ZC3H6: variants seen among roughly 807,000 people sequenced by gnomAD.
The protein encoded by ZC3H6 is zinc finger CCCH-type containing 6.
A neutral mutation model predicts 107.7 loss-of-function variants in ZC3H6; 40 were observed. That is an observed-to-expected ratio of 0.37 (90% CI 0.29 to 0.48). The LOEUF is 0.48. ZC3H6 is among the 20% of genes least tolerant of loss of function. The probability of loss-of-function intolerance (pLI) is 0.98; values close to 1 mark genes in which losing one functional copy is unlikely to be tolerated. For synonymous variants in ZC3H6, 493 were observed against 487.9 expected (o/e 1.01, Z -0.14); for missense variants, 1,267 against 1,410.4 (o/e 0.90, Z 1.63).
chr2:112,331,817 A>C lies in ZC3H6; in HGVS notation c.2899A>C (p.Lys967Gln). 1.2e-6 allele frequency: 2 copies of C among 1,613,784 alleles called. No individual in the cohort carries two copies. Among genetic ancestry groups the C allele is most frequent in the South Asian group, 2.2e-5 (2 of 91,086 alleles). ...TAAATTAGGAGATCCTAGACTACAA[A>C]AAAATTTTGATCCTAGGCTTCACAG... ...GAKLGDPRLQ[K>Q]NFDPRLHRLP... The change falls in exon 12 of 12, where the codon AAA becomes CAA. Residue 967 changes from lysine (K) to glutamine (Q), a missense_variant. Physicochemically the swap from Lys to Gln is moderately conservative, Grantham distance 53 (BLOSUM62 1). Coordinates refer to ENST00000409871, the MANE Select transcript of ZC3H6 (RefSeq NM_198581.3).
intron 1 of ZC3H6, among the ~76,000 whole-genome samples, chr2:112,283,201 T>C (rs1250833191): frequency 6.6e-6 from 1 of 152,190 alleles, no homozygotes; most frequent in Non-Finnish European, 1.5e-5. Context: ...CTGCTGCTGA[T>C]GTGTACCAAC....
chr2:112,308,404 T>TTTTA (rs370414380), intron 3 of ZC3H6, among the ~76,000 whole-genome samples: 47,494 of 138,100 alleles, frequency 0.34, 8,647 homozygotes, highest in African/African-American at 0.41. Context: ...TTTTATTTTA[T>TTTTA]TTTATTTATT....
In ZC3H6 at chr2:112,331,790, G is replaced by A. The variant is rs1677038488; in HGVS notation, c.2872G>A (p.Ala958Thr). ...ATTTGGAGACTCACACGGTTCAGGA[G>A]CTAAATTAGGAGATCCTAGACTACA... is the stretch of plus-strand genomic sequence containing the variant. ...EQFGDSHGSG[A>T]KLGDPRLQKN... Residue 958 changes from alanine to threonine, a missense_variant, in exon 12 of 12, where the codon GCT becomes ACT. Coordinates refer to ENST00000409871, the MANE Select transcript of ZC3H6 (RefSeq NM_198581.3). The A allele has an allele frequency of 6.2e-7, 1 of 1,613,650 alleles. No individual in the cohort carries two copies. Among genetic ancestry groups the A allele is most frequent in the Non-Finnish European group, 8.5e-7 (1 of 1,179,870 alleles).
At chr2:112,284,275 C>T (rs1220938057) in intron 1 of ZC3H6, among the ~76,000 whole-genome samples, 1 of 152,158 alleles carries the variant, frequency 6.6e-6, no homozygotes, top group Non-Finnish European at 1.5e-5. Context: ...TATATAAGCA[C>T]ATGAAAATGG....
chr2:112,308,980 A>G (rs1031692354), intron 3 of ZC3H6, among the ~76,000 whole-genome samples: 3 of 151,964 alleles, frequency 2.0e-5, no homozygotes, highest in Non-Finnish European at 2.9e-5. Context: ...TGAACCCAAG[A>G]GGCAGAGGTC....
At position 112,331,305 on chromosome 2, in the gene ZC3H6, T is replaced by G. The variant is rs370249756; in HGVS notation, c.2387T>G (p.Ile796Arg). Residue 796 changes from isoleucine (I) to arginine (R), a missense_variant, in exon 12 of 12, where the codon ATA becomes AGA. By Grantham distance (97) the Ile-to-Arg change is moderately conservative. Transcript: ENST00000409871. The stretch of plus-strand genomic sequence containing the variant: ...TTGAGAGGGAATGGAAGTGGTCACA[T>G]AGGCTCTTCTGTTGGTGGAGCAAAG... ...RKLRGNGSGH[I>R]GSSVGGAKFD... 8.7e-6 allele frequency: 14 copies of G among 1,613,644 alleles called. No individual in the cohort carries two copies. The highest frequency in any genetic ancestry group is 1.1e-5 in the Non-Finnish European group (13 of 1,179,892).
intron 1 of ZC3H6, among the ~76,000 whole-genome samples, chr2:112,284,847 C>CA (rs1282444958): frequency 6.6e-6 from 1 of 151,032 alleles, no homozygotes; most frequent in Admixed American, 6.6e-5. Flanking sequence ...AATTTATCTC[C>CA]AAAAAAATGT....
intron 11 of ZC3H6, among the ~76,000 whole-genome samples, chr2:112,327,263 T>C (rs1457965669): frequency 1.3e-5 from 2 of 152,216 alleles, no homozygotes; most frequent in East Asian, 3.8e-4. Context: ...TGCATTTTTC[T>C]GATGATGAGT....
At chr2:112,308,299 T>C (rs1676514826) in intron 3 of ZC3H6, among the ~76,000 whole-genome samples, 1 of 152,068 alleles carries the variant, frequency 6.6e-6, no homozygotes, top group Non-Finnish European at 1.5e-5. Context: ...TGATTAGTTA[T>C]GCATTTTTTC....
intron 1 of ZC3H6, among the ~76,000 whole-genome samples, chr2:112,297,387 T>C (rs1449404340): frequency 1.3e-5 from 2 of 152,138 alleles, no homozygotes; most frequent in Admixed American, 6.5e-5. Flanking sequence ...GCCCACACCA[T>C]AGTTTAGTTG....
At chr2:112,291,892 A>AT (rs1421166075) in intron 1 of ZC3H6, among the ~76,000 whole-genome samples, 2 of 151,700 alleles carry the variant, frequency 1.3e-5, no homozygotes, top group Non-Finnish European at 2.9e-5. Flanking sequence ...TAATTTTTGT[A>AT]TTTTTAGTAG....
At chr2:112,303,738 G>C (rs1018832229) in intron 3 of ZC3H6, among the ~76,000 whole-genome samples, 2 of 152,118 alleles carry the variant, frequency 1.3e-5, no homozygotes, top group African/African-American at 4.8e-5. Flanking sequence ...TTTTAAGGCT[G>C]AATAATATTC....
At position 112,332,401 on chromosome 2, in the gene ZC3H6, A is replaced by G; in HGVS notation, c.3483A>G (p.Pro1161=). The change falls in exon 12 of 12, where the codon CCA becomes CCG. Residue 1161 remains proline, a synonymous_variant. Coordinates refer to ENST00000409871, the MANE Select transcript of ZC3H6 (RefSeq NM_198581.3). The part of the protein sequence containing the change: ...ARQPGQGSPT[P]DNDPGRETDD... The stretch of plus-strand genomic sequence containing the variant: ...AGCCAGGACAGGGGAGCCCGACCCC[A>G]GATAATGATCCCGGTAGAGAAACAG... 2 of 1,613,662 alleles carry G rather than the reference A, an allele frequency of 1.2e-6. No homozygotes were observed. The highest frequency in any genetic ancestry group is 1.7e-6 in the Non-Finnish European group (2 of 1,179,898).
Position 112,335,268 on chromosome 2 carries a change from C to T in ZC3H6, c.*2780C>T, listed in dbSNP as rs549299071. On this transcript the variant is annotated 3_prime_UTR_variant, in exon 12 of 12. Transcript: ENST00000409871. ...TCAAACCCCCAAATTAGGCTGCAAC[C>T]GAAAGAGCCTAATTGTGAAATGATG... The T allele has an allele frequency of 3.3e-4, 50 of 152,292 alleles. No homozygotes were observed. The highest frequency in any genetic ancestry group is 1.2e-3 in the African/African-American group (49 of 41,558). 9.4% of individuals were successfully genotyped at this position (152,292 alleles called of 1,614,324 possible).
In ZC3H6 at chr2:112,317,439, A is replaced by C. The variant is rs192907159; in HGVS notation, c.976+107A>C. On this transcript the variant is annotated intron_variant, in intron 7 of 11. Transcript: ENST00000409871. ...CCCTATAAAGCCTAGTTTGGTTTTA[A>C]ATTTAAAACAACACATTACATAAAC... The C allele has an allele frequency of 6.6e-4, 395 of 601,018 alleles. 1 individual carries two copies. Among genetic ancestry groups the C allele is most frequent in the East Asian group, 5.7e-3 (171 of 29,896 alleles). 37.2% of individuals were successfully genotyped at this position (601,018 alleles called of 1,614,324 possible).
chr2:112,318,468 G>C (rs1384808032), intron 7 of ZC3H6, among the ~76,000 whole-genome samples: 2 of 152,120 alleles, frequency 1.3e-5, no homozygotes, highest in African/African-American at 2.4e-5. Flanking sequence ...AATGAGGGAA[G>C]AGATACAGAT....
intron 3 of ZC3H6, among the ~76,000 whole-genome samples, chr2:112,306,252 A>C (rs1676475763): frequency 6.8e-6 from 1 of 147,868 alleles, no homozygotes; most frequent in Admixed American, 6.9e-5. Context: ...GGCTCACTGC[A>C]ACCTCTGCTT....
At chr2:112,279,765 G>A (rs183049246) in intron 1 of ZC3H6, among the ~76,000 whole-genome samples, 76 of 152,208 alleles carry the variant, frequency 5.0e-4, no homozygotes, top group African/African-American at 1.7e-3. Context: ...AATCCCATGT[G>A]GTAGTTAATT....
intron 1 of ZC3H6, among the ~76,000 whole-genome samples, chr2:112,297,707 TC>T (rs1413033701): frequency 6.6e-5 from 10 of 152,370 alleles, no homozygotes; most frequent in African/African-American, 2.4e-4. Context: ...CTACTATGAA[TC>T]TTTTTTACAG....
Sources: gnomAD v4.1 joint callset for allele counts (sites outside exome capture counted in the v4.1 genomes callset) on GRCh38, gnomAD v4.1.1 for gene constraint, MANE v1.5 for transcripts, NCBI Gene and HGNC (gene_info 2026-07-23, HGNC 2026-07-21) for gene names.